CTNNA3: variants seen among roughly 807,000 people sequenced by gnomAD.
CTNNA3 encodes catenin alpha 3.
Under a neutral mutation model 95.7 loss-of-function variants are expected in CTNNA3, and 76 were observed. The ratio of observed to expected loss-of-function variants is 0.79; its 90% CI spans 0.66 to 0.96. CTNNA3 has a LOEUF of 0.96. Among genes scored for constraint, CTNNA3 ranks in the 40% least tolerant of loss-of-function variants. The pLI, the probability that CTNNA3 is intolerant of heterozygous loss-of-function variation, is 0.00. For missense variants in CTNNA3, 1,191 were observed against 1,089.8 expected (o/e 1.09, Z -1.31); for synonymous variants, 431 against 374.4 (o/e 1.15, Z -1.74).
At chr10:66,987,323 C>T (rs1158607689) in intron 7 of CTNNA3, among the ~76,000 whole-genome samples, 1 of 152,070 alleles carries the variant, frequency 6.6e-6, no homozygotes, top group African/African-American at 2.4e-5. Context: ...AAGAGTATCA[C>T]ATTGATTCAG....
At chr10:66,708,961 C>T (rs1297862681) in intron 9 of CTNNA3, among the ~76,000 whole-genome samples, 1 of 151,964 alleles carries the variant, frequency 6.6e-6, no homozygotes, top group Non-Finnish European at 1.5e-5. Context: ...TCATCAACTC[C>T]AGTGAGCTTT....
intron 5 of CTNNA3, among the ~76,000 whole-genome samples, chr10:67,512,123 G>A (rs1340589882): frequency 6.6e-6 from 1 of 152,026 alleles, no homozygotes; most frequent in Non-Finnish European, 1.5e-5. Flanking sequence ...TATATAAAAA[G>A]GTGCTCACAT....
intron 5 of CTNNA3, among the ~76,000 whole-genome samples, chr10:67,383,261 T>C (rs961999367): frequency 6.6e-6 from 1 of 152,184 alleles, no homozygotes; most frequent in Non-Finnish European, 1.5e-5. Flanking sequence ...CATTCATCTA[T>C]TTATTCATTT....
At chr10:67,064,130 T>A (rs1340822586) in intron 7 of CTNNA3, among the ~76,000 whole-genome samples, 1 of 152,200 alleles carries the variant, frequency 6.6e-6, no homozygotes, top group African/African-American at 2.4e-5. Context: ...TGTTAGCCTA[T>A]CAACTTGTTT....
At chr10:66,248,684 C>T (rs1348462896) in intron 13 of CTNNA3, among the ~76,000 whole-genome samples, 4 of 152,042 alleles carry the variant, frequency 2.6e-5, no homozygotes, top group Non-Finnish European at 5.9e-5. Context: ...GTCAATTCAG[C>T]AAGAGGATAT....
chr10:67,514,934 T>C (rs1839765780), intron 5 of CTNNA3, among the ~76,000 whole-genome samples: 1 of 152,196 alleles, frequency 6.6e-6, no homozygotes. Context: ...CTCAACAGCT[T>C]TCTACCTAAG....
chr10:67,758,023 G>A (rs899882662), intron 1 of CTNNA3, among the ~76,000 whole-genome samples: 21 of 152,066 alleles, frequency 1.4e-4, no homozygotes, highest in Admixed American at 1.4e-3. Flanking sequence ...ATGCAGGCAG[G>A]AAGTATCCAA....
chr10:67,623,760 T>G lies in CTNNA3; in HGVS notation c.100-16711A>C, dbSNP rs16924710. Reference sequence around the variant, plus strand: ...AGCGCCATTCTACCACATTGAGGATTGGCAGCTGAAGGAGACCAGAGAATT... The same window carrying G: ...AGCGCCATTCTACCACATTGAGGATGGGCAGCTGAAGGAGACCAGAGAATT... On this transcript the variant is annotated intron_variant, in intron 2 of 17. Transcript: ENST00000433211. Among the ~76,000 whole-genome samples the G allele has an allele frequency of 0.034, 5,169 of 152,178 alleles. 612 individuals are homozygous for G. The East Asian group carries it at 0.43, about 13-fold the overall frequency.
chr10:66,717,140 C>G (rs1848477414), intron 9 of CTNNA3, among the ~76,000 whole-genome samples: 1 of 151,966 alleles, frequency 6.6e-6, no homozygotes, highest in African/African-American at 2.4e-5. Flanking sequence ...CCAACCTGCC[C>G]TACAAATTTC....
chr10:67,510,899 G>T (rs1839604718), intron 5 of CTNNA3, among the ~76,000 whole-genome samples: 1 of 152,076 alleles, frequency 6.6e-6, no homozygotes, highest in African/African-American at 2.4e-5. Flanking sequence ...CCTTGAAGAG[G>T]TCCTTCACAT....
intron 5 of CTNNA3, among the ~76,000 whole-genome samples, chr10:67,469,534 T>C (rs1482209238): frequency 6.8e-6 from 1 of 148,056 alleles, no homozygotes. Flanking sequence ...CCGCATGTTC[T>C]CACTCATAAG....
chr10:67,025,129 C>CA (rs1206262968), intron 7 of CTNNA3, among the ~76,000 whole-genome samples: 4,218 of 25,248 alleles, frequency 0.17, 288 homozygotes, highest in African/African-American at 0.26. Flanking sequence ...AAAACTCTGT[C>CA]AAAAACAAAA....
chr10:67,095,441 G>A (rs1213515099), intron 7 of CTNNA3, among the ~76,000 whole-genome samples: 1 of 151,728 alleles, frequency 6.6e-6, no homozygotes, highest in Admixed American at 6.6e-5. Flanking sequence ...AAAATAATAT[G>A]TGGGATTTTT....
At chr10:67,686,400 GGCATAA>G (rs1840731656) in intron 1 of CTNNA3, among the ~76,000 whole-genome samples, 1 of 152,186 alleles carries the variant, frequency 6.6e-6, no homozygotes, top group Admixed American at 6.5e-5. Flanking sequence ...CATCTTGGGT[GGCATAA>G]GTCTGGACTA....
chr10:67,094,620 C>T (rs1186022430), intron 7 of CTNNA3, among the ~76,000 whole-genome samples: 2 of 151,522 alleles, frequency 1.3e-5, no homozygotes, highest in African/African-American at 2.4e-5. Flanking sequence ...TGATTAGCCA[C>T]AAAAGAATAA....
chr10:66,456,346 A>G (rs1345937978), intron 11 of CTNNA3, among the ~76,000 whole-genome samples: 1 of 152,198 alleles, frequency 6.6e-6, no homozygotes, highest in Non-Finnish European at 1.5e-5. Context: ...ATAAAGCAGA[A>G]GATAGTCTAG....
intron 11 of CTNNA3, among the ~76,000 whole-genome samples, chr10:66,384,287 G>T (rs1459692871): frequency 6.6e-6 from 1 of 151,948 alleles, no homozygotes; most frequent in Admixed American, 6.6e-5. Flanking sequence ...AAAAAGCAGG[G>T]GTTGCAATCC....
intron 7 of CTNNA3, among the ~76,000 whole-genome samples, chr10:67,074,237 G>T (rs1409193438): frequency 6.7e-6 from 1 of 150,326 alleles, no homozygotes. Flanking sequence ...TTCACCATTT[G>T]GCCAGGATGG....
At position 66,834,333 on chromosome 10, in the gene CTNNA3, C is replaced by G. The variant is rs116271139; in HGVS notation, c.1048-58809G>C. Among the ~76,000 whole-genome samples the G allele has an allele frequency of 4.7e-3, 713 of 152,292 alleles. 13 individuals are homozygous for G. Among genetic ancestry groups the G allele is most frequent in the African/African-American group, 0.016 (683 of 41,562 alleles). On this transcript the variant is annotated intron_variant, in intron 7 of 17. Transcript: ENST00000433211. ...TACGTCCTAAGGGTCCACTGTGTAT[C>G]CTGACTGTGCTGAGTATTACAAGGG...
Sources: gnomAD v4.1 joint callset for allele counts (sites outside exome capture counted in the v4.1 genomes callset) on GRCh38, gnomAD v4.1.1 for gene constraint, MANE v1.5 for transcripts, NCBI Gene and HGNC (gene_info 2026-07-23, HGNC 2026-07-21) for gene names.